NAA40: variants seen among roughly 807,000 people sequenced by gnomAD.
The protein encoded by NAA40 is N-alpha-acetyltransferase 40.
NAA40 carries 26 observed loss-of-function variants against 36.6 expected under a neutral mutation model. The ratio of observed to expected loss-of-function variants is 0.71; its 90% confidence interval spans 0.52 to 0.98. The LOEUF (loss-of-function observed/expected upper bound fraction) is 0.98, where lower values mean the gene tolerates loss of function less well. NAA40 is among the 50% of genes least tolerant of loss of function. The pLI, the probability that NAA40 is intolerant of heterozygous loss-of-function variation, is 0.00. For synonymous variants in NAA40, 129 were observed against 108.4 expected (o/e 1.19, Z -1.18); for missense variants, 237 against 306.5 (o/e 0.77, Z 1.69).
At chr11:63,939,525 C>T (rs1942071949) in intron 1 of NAA40, 1 of 996,266 alleles carries the variant, frequency 1.0e-6, no homozygotes, top group African/African-American at 1.7e-5. Flanking sequence ...AAAGAAGGCG[C>T]CTAGCCAAGG....
chr11:63,940,554 A>G lies in NAA40; in HGVS notation c.6+1452A>G, dbSNP rs1312104534. Among the ~76,000 whole-genome samples the G allele has an allele frequency of 2.6e-5, 4 of 152,202 alleles. No individual in the cohort carries two copies. The East Asian group carries it at 7.7e-4, about 29-fold the overall frequency. Reference sequence around the variant, plus strand: ...GTAGTAGTGAAGATTAAGTGAGATAATGGATGTAGATTGCTAAGGAGGTGT... The same window carrying G: ...GTAGTAGTGAAGATTAAGTGAGATAGTGGATGTAGATTGCTAAGGAGGTGT... On this transcript the variant is annotated intron_variant, in intron 1 of 7. Coordinates refer to ENST00000377793, the MANE Select transcript of NAA40 (RefSeq NM_024771.4).
Position 63,957,212 on chromosome 11 carries a change from A to ATATATTT in NAA40, c.*2734_*2735insATATTTT, listed in dbSNP as rs1278673521. 14 of 64,300 alleles carry ATATATTT rather than the reference A, an allele frequency of 2.2e-4. No homozygotes were observed. Among genetic ancestry groups the ATATATTT allele is most frequent in the African/African-American group, 5.0e-4 (12 of 23,942 alleles). The allele number at this position is 64,300 out of a possible 1,614,324, so 4.0% of individuals were successfully genotyped here. ...CCTTGATATATATATATATATATAT[A>ATATATTT]TTTTTTTTTTTCTTTAGCAGCTTGT... is the stretch of plus-strand genomic sequence containing the variant. On this transcript the variant is annotated 3_prime_UTR_variant, in exon 8 of 8. Coordinates refer to ENST00000377793, the MANE Select transcript of NAA40 (RefSeq NM_024771.4).
intron 1 of NAA40, chr11:63,939,311 C>T (rs1942068114): frequency 2.4e-6 from 3 of 1,264,948 alleles, no homozygotes; most frequent in Non-Finnish European, 2.0e-6. Context: ...GGTCCGGGGC[C>T]CCACCCCCTC....
In NAA40 at chr11:63,954,580, A is replaced by G; in HGVS notation, c.*101A>G. The G allele has an allele frequency of 7.3e-7, 1 of 1,368,920 alleles. No individual in the cohort carries two copies. The highest frequency in any genetic ancestry group is 9.7e-7 in the Non-Finnish European group (1 of 1,031,630). 84.8% of individuals were successfully genotyped at this position (1,368,920 alleles called of 1,614,324 possible). Reference sequence around the variant, plus strand: ...GTGTCCTCAGAGCTGTGGCCTCCCCAGCCCTGCACGTGCCAGGCTGCGCCC... The same window carrying G: ...GTGTCCTCAGAGCTGTGGCCTCCCCGGCCCTGCACGTGCCAGGCTGCGCCC... On this transcript the variant is annotated 3_prime_UTR_variant, in exon 8 of 8. Transcript: ENST00000377793.
At position 63,952,752 on chromosome 11, in the gene NAA40, C is replaced by G; in HGVS notation, c.411-4C>G. 6.2e-7 allele frequency: 1 copy of G among 1,614,128 alleles called. No individual in the cohort carries two copies. The highest frequency in any genetic ancestry group is 8.5e-7 in the Non-Finnish European group (1 of 1,180,026). ...ACGCTCACCTCTCTGCTTTCTTCAC[C>G]TAGCTATGAAGTGCAGTTGGAAAGC... On this transcript the variant is annotated splice_region_variant and splice_polypyrimidine_tract_variant and intron_variant, in intron 5 of 7. Transcript: ENST00000377793.
In NAA40 at chr11:63,949,995, C is replaced by T. The variant is rs557691743; in HGVS notation, c.156-2243C>T. Among the ~76,000 whole-genome samples, 101 of 152,100 alleles carry T rather than the reference C, an allele frequency of 6.6e-4. 1 individual carries two copies. In the South Asian group the frequency reaches 0.02, roughly 30 times the overall value. ...TCCTGACCTTGTGATCCGCCCGCCTCGGCCTCCCAAAGTGCTGGGATTACA... is the reference window on the plus strand; with the variant it reads ...TCCTGACCTTGTGATCCGCCCGCCTTGGCCTCCCAAAGTGCTGGGATTACA... On this transcript the variant is annotated intron_variant, in intron 3 of 7. Transcript: ENST00000377793.
In NAA40 at chr11:63,939,042, C is replaced by T. The variant is rs372517785; in HGVS notation, c.-55C>T. ...GCCGCTGTTGCAGCCACCGCCGTTG[C>T]CGCCTCCCTGCCGGCAAGTGTGTGA... On this transcript the variant is annotated 5_prime_UTR_variant, in exon 1 of 8. Coordinates refer to ENST00000377793, the MANE Select transcript of NAA40 (RefSeq NM_024771.4). The T allele has an allele frequency of 3.2e-5, 51 of 1,594,608 alleles. No homozygotes were observed. The highest frequency in any genetic ancestry group is 1.4e-5 in the African/African-American group (1 of 71,634).
Position 63,939,063 on chromosome 11 carries a change from T to C in NAA40, c.-34T>C. On this transcript the variant is annotated 5_prime_UTR_variant, in exon 1 of 8. Coordinates refer to ENST00000377793, the MANE Select transcript of NAA40 (RefSeq NM_024771.4). The stretch of plus-strand genomic sequence containing the variant: ...GTTGCCGCCTCCCTGCCGGCAAGTG[T>C]GTGAAGAAGAAGCTGAGCGTTGTCG... The C allele has an allele frequency of 1.9e-6, 3 of 1,598,026 alleles. No individual in the cohort carries two copies. The highest frequency in any genetic ancestry group is 2.6e-6 in the Non-Finnish European group (3 of 1,173,560).
chr11:63,946,934 TTTC>T lies in NAA40; in HGVS notation c.103-14_103-12del, dbSNP rs774807395. On this transcript the variant is annotated splice_polypyrimidine_tract_variant and intron_variant, in intron 2 of 7. Transcript: ENST00000377793. ...CCCCACTTGTCTGTGCTGTTCCTCT[TTTC>T]TTTCCCTCCACAGCTTGGAGACCCT... 2 of 1,614,002 alleles carry T rather than the reference TTTC, an allele frequency of 1.2e-6. No homozygotes were observed. Among genetic ancestry groups the T allele is most frequent in the South Asian group, 2.2e-5 (2 of 91,066 alleles).
chr11:63,954,606 T>C lies in NAA40; in HGVS notation c.*127T>C, dbSNP rs185181275. On this transcript the variant is annotated 3_prime_UTR_variant, in exon 8 of 8. Transcript: ENST00000377793. ...GCCCTGCACGTGCCAGGCTGCGCCC[T>C]GAGAGCACAGAACCCTGGGGAGAAG... 20 of 1,096,770 alleles carry C rather than the reference T, an allele frequency of 1.8e-5. No homozygotes were observed. In the East Asian group the frequency reaches 5.6e-4, roughly 31 times the overall value. The allele number at this position is 1,096,770 out of a possible 1,614,324, so 67.9% of individuals were successfully genotyped here. A position where few individuals can be genotyped will look rare whatever the true frequency, so the allele number is the denominator to read the frequency against.
chr11:63,950,705 G>A (rs908916774), intron 3 of NAA40, among the ~76,000 whole-genome samples: 13 of 150,792 alleles, frequency 8.6e-5, no homozygotes, highest in South Asian at 2.1e-4. Flanking sequence ...CTCATGATCC[G>A]CCCGCCTCGG....
intron 1 of NAA40, chr11:63,939,514 G>A (rs1942071774): frequency 2.0e-6 from 2 of 1,002,984 alleles, no homozygotes; most frequent in Non-Finnish European, 2.4e-6. Context: ...AGGCCCAGAG[G>A]AAAGAAGGCG....
At chr11:63,950,087 G>A (rs1283308801) in intron 3 of NAA40, among the ~76,000 whole-genome samples, 1 of 150,130 alleles carries the variant, frequency 6.7e-6, no homozygotes, top group African/African-American at 2.5e-5. Context: ...AATATATGCA[G>A]CTCAGTAAGT....
chr11:63,945,582 T>TC (rs1241207640), intron 1 of NAA40, among the ~76,000 whole-genome samples: 1 of 152,040 alleles, frequency 6.6e-6, no homozygotes, highest in African/African-American at 2.4e-5. Context: ...TTTCGCTGGG[T>TC]CCCCACAGTG....
chr11:63,947,966 T>G (rs1942215713), intron 3 of NAA40, among the ~76,000 whole-genome samples: 2 of 151,972 alleles, frequency 1.3e-5, no homozygotes, highest in Non-Finnish European at 2.9e-5. Context: ...ATGATCCACC[T>G]GTCTCAGCCT....
At chr11:63,943,501 G>C (rs1438516180) in intron 1 of NAA40, among the ~76,000 whole-genome samples, 3 of 152,140 alleles carry the variant, frequency 2.0e-5, no homozygotes, top group Non-Finnish European at 4.4e-5. Context: ...CCTCAGTAGG[G>C]GACAGTGTGG....
intron 7 of NAA40, 130 bp downstream of exon 7, chr11:63,954,179 G>A: frequency 7.5e-7 from 1 of 1,325,670 alleles, no homozygotes; most frequent in Non-Finnish European, 1.1e-6. Flanking sequence ...TCAGGTTCAG[G>A]GAGATGGTAT....
chr11:63,953,531 A>T (rs939146298), intron 6 of NAA40, among the ~76,000 whole-genome samples: 1 of 151,974 alleles, frequency 6.6e-6, no homozygotes, highest in Non-Finnish European at 1.5e-5. Context: ...AGACCTCCAG[A>T]GGCTAGAGGC....
At chr11:63,940,011 A>G (rs1455832405) in intron 1 of NAA40, among the ~76,000 whole-genome samples, 1 of 150,426 alleles carries the variant, frequency 6.6e-6, no homozygotes, top group African/African-American at 2.5e-5. Context: ...TCCTAAAAAG[A>G]TAACGCTTTT....
Sources: allele counts gnomAD v4.1 joint callset (sites outside exome capture counted in the v4.1 genomes callset), GRCh38; gene constraint gnomAD v4.1.1; transcripts MANE v1.5; gene names NCBI Gene and HGNC (gene_info 2026-07-23, HGNC 2026-07-21).